The following LHFPL3 variants were observed in gnomAD, a reference collection of about 807,000 sequenced individuals.
LHFPL3 encodes LHFPL tetraspan subfamily member 3.
A neutral mutation model predicts 19.3 loss-of-function variants in LHFPL3; 5 were observed. The ratio of observed to expected loss-of-function variants is 0.26; its 90% CI spans 0.14 to 0.54. LHFPL3 has a LOEUF of 0.54. Among genes scored for constraint, LHFPL3 ranks in the 20% least tolerant of loss-of-function variants. LHFPL3 has a pLI of 0.94. For synonymous variants in LHFPL3, 133 were observed against 126.2 expected, an observed-to-expected ratio of 1.05 and a Z score of -0.36; for missense variants, 249 against 307.4, an observed-to-expected ratio of 0.81 and a Z score of 1.42.
At chr7:104,793,189 C>A (rs895412477) in intron 2 of LHFPL3, among the ~76,000 whole-genome samples, 1 of 152,190 alleles carries the variant, frequency 6.6e-6, no homozygotes, top group African/African-American at 2.4e-5. Flanking sequence ...AGCCACCGCG[C>A]CTGGCCCTGC....
At chr7:104,379,730 A>G (rs913115556) in intron 1 of LHFPL3, among the ~76,000 whole-genome samples, 23 of 152,162 alleles carry the variant, frequency 1.5e-4, no homozygotes, top group African/African-American at 4.8e-4. Flanking sequence ...AAAAGATTTC[A>G]CCTTTAGGGT....
intron 1 of LHFPL3, among the ~76,000 whole-genome samples, chr7:104,384,755 C>T (rs960296834): frequency 2.1e-5 from 3 of 146,012 alleles, no homozygotes; most frequent in African/African-American, 2.6e-5. Context: ...CCACTGTACT[C>T]CAGCCTAGGC....
intron 2 of LHFPL3, among the ~76,000 whole-genome samples, chr7:104,825,180 G>A (rs954011481): frequency 1.3e-5 from 2 of 151,574 alleles, no homozygotes; most frequent in Non-Finnish European, 2.9e-5. Context: ...AGAAGGAACT[G>A]GGACTGAGGT....
intron 1 of LHFPL3, among the ~76,000 whole-genome samples, chr7:104,553,591 A>C (rs1794702423): frequency 6.6e-6 from 1 of 152,170 alleles, no homozygotes; most frequent in African/African-American, 2.4e-5. Flanking sequence ...AAATGCAAGC[A>C]GTTTAAACTC....
At chr7:104,401,890 A>G (rs1039556347) in intron 1 of LHFPL3, among the ~76,000 whole-genome samples, 1 of 152,212 alleles carries the variant, frequency 6.6e-6, no homozygotes, top group Non-Finnish European at 1.5e-5. Context: ...GAAAACAGAC[A>G]ATACAAATTA....
chr7:104,543,522 C>G (rs1794526590), intron 1 of LHFPL3, among the ~76,000 whole-genome samples: 1 of 151,848 alleles, frequency 6.6e-6, no homozygotes, highest in African/African-American at 2.4e-5. Flanking sequence ...CCCAAATGTC[C>G]AACAATGATA....
chr7:104,368,138 T>A (rs1006054237), intron 1 of LHFPL3, among the ~76,000 whole-genome samples: 5 of 152,220 alleles, frequency 3.3e-5, no homozygotes, highest in African/African-American at 1.2e-4. Flanking sequence ...TTAGACTTGA[T>A]AGGTTTACTG....
intron 1 of LHFPL3, among the ~76,000 whole-genome samples, chr7:104,603,597 C>A (rs550278712): frequency 5.9e-5 from 9 of 152,240 alleles, no homozygotes; most frequent in Non-Finnish European, 1.2e-4. Flanking sequence ...CATGATTCAT[C>A]CTGAGGTAAA....
intron 1 of LHFPL3, among the ~76,000 whole-genome samples, chr7:104,698,485 A>C (rs900881386): frequency 2.6e-5 from 4 of 152,246 alleles, no homozygotes; most frequent in African/African-American, 9.6e-5. Flanking sequence ...ATCAAAATTA[A>C]AAACTCTTGT....
chr7:104,453,336 A>G (rs1420539304), intron 1 of LHFPL3, among the ~76,000 whole-genome samples: 1 of 151,960 alleles, frequency 6.6e-6, no homozygotes, highest in African/African-American at 2.4e-5. Context: ...TTTCAGGAAG[A>G]GGACAGGTGA....
intron 1 of LHFPL3, among the ~76,000 whole-genome samples, chr7:104,348,182 G>A (rs1415407749): frequency 6.6e-6 from 1 of 151,634 alleles, no homozygotes; most frequent in Non-Finnish European, 1.5e-5. Context: ...GTCAAGAGAT[G>A]GAGACCATCC....
intron 1 of LHFPL3, among the ~76,000 whole-genome samples, chr7:104,716,603 A>C (rs1433348927): frequency 6.6e-6 from 1 of 152,184 alleles, no homozygotes; most frequent in Non-Finnish European, 1.5e-5. Context: ...AATACTTAGA[A>C]ATAAACTTAA....
chr7:104,365,710 A>G (rs1305844544), intron 1 of LHFPL3, among the ~76,000 whole-genome samples: 2 of 143,634 alleles, frequency 1.4e-5, no homozygotes, highest in Non-Finnish European at 3.0e-5. Context: ...GAACCCGGGA[A>G]GCAGAGCTTG....
intron 1 of LHFPL3, among the ~76,000 whole-genome samples, chr7:104,527,369 C>G (rs1189464754): frequency 6.6e-6 from 1 of 152,036 alleles, no homozygotes; most frequent in Non-Finnish European, 1.5e-5. Flanking sequence ...CAAGTAGGAG[C>G]TAAATAATTG....
chr7:104,465,871 T>C (rs1198768260), intron 1 of LHFPL3, among the ~76,000 whole-genome samples: 1 of 152,242 alleles, frequency 6.6e-6, no homozygotes, highest in Non-Finnish European at 1.5e-5. Context: ...TCCGTTGTAA[T>C]TGCAGGGTTT....
In LHFPL3 at chr7:104,329,244, C is replaced by A; in HGVS notation, c.445+20C>A. The A allele has an allele frequency of 1.9e-6, 3 of 1,566,540 alleles. No individual in the cohort carries two copies. Among genetic ancestry groups the A allele is most frequent in the Non-Finnish European group, 2.6e-6 (3 of 1,153,540 alleles). ...CCTCCGGTGAGTGCGCGCTCACCTC[C>A]GCGGAGGCGGAGGACCCCGGGGCGC... On this transcript the variant is annotated intron_variant, in intron 1 of 2. Coordinates refer to ENST00000424859, the MANE Select transcript of LHFPL3 (RefSeq NM_199000.3).
Position 104,844,373 on chromosome 7 carries a change from G to C in LHFPL3, c.683-61814G>C, listed in dbSNP as rs148582870. On this transcript the variant is annotated intron_variant, in intron 2 of 2. Transcript: ENST00000424859. ...AGCGTCCAGCGTGAACCAGGCTTTG[G>C]AGTTCTAATTGATCTGTGTGTGTAC... Among the ~76,000 whole-genome samples, 196 of 152,338 alleles carry C rather than the reference G, an allele frequency of 1.3e-3. 1 individual carries two copies. Among genetic ancestry groups the C allele is most frequent in the African/African-American group, 4.4e-3 (184 of 41,572 alleles).
At chr7:104,707,884 G>C (rs1793221800) in intron 1 of LHFPL3, among the ~76,000 whole-genome samples, 1 of 152,176 alleles carries the variant, frequency 6.6e-6, no homozygotes. Context: ...GCCAATTCAA[G>C]TCTGACCAAA....
At chr7:104,801,793 A>G (rs1790251942) in intron 2 of LHFPL3, among the ~76,000 whole-genome samples, 1 of 151,770 alleles carries the variant, frequency 6.6e-6, no homozygotes, top group Non-Finnish European at 1.5e-5. Flanking sequence ...AATAGTCTCA[A>G]TCTCCTGACC....
Sources: allele counts gnomAD v4.1 joint callset (sites outside exome capture counted in the v4.1 genomes callset), GRCh38; gene constraint gnomAD v4.1.1; transcripts MANE v1.5; gene names NCBI Gene and HGNC (gene_info 2026-07-23, HGNC 2026-07-21).